Variants in CRBN observed in about 807,000 individuals in gnomAD.
CRBN encodes cereblon.
CRBN carries 53 observed loss-of-function variants against 62.2 expected under a neutral mutation model. That is an observed-to-expected ratio of 0.85 (90% confidence interval 0.68 to 1.07). CRBN has a LOEUF of 1.07. Among genes scored for constraint, CRBN ranks in the 50% least tolerant of loss-of-function variants. The probability of loss-of-function intolerance (pLI) is 0.00; values close to 1 mark genes in which losing one functional copy is unlikely to be tolerated. For synonymous variants in CRBN, 208 were observed against 176.1 expected (o/e 1.18, Z -1.43); for missense variants, 616 against 531.1 (o/e 1.16, Z -1.57).
chr3:3,152,516 T>C lies in CRBN; in HGVS notation c.1088A>G (p.Tyr363Cys). The stretch of plus-strand genomic sequence containing the variant: ...TATCAGATTCAAGTTGCAAGCCTTA[T>C]ACACAGTAAGTGTCTCATGCACATA... ...HGYVHETLTVYKACNLNLIGR... is the reference protein window; with the variant it reads ...HGYVHETLTVCKACNLNLIGR... The change falls in exon 10 of 11, where the codon TAT becomes TGT. Residue 363 changes from tyrosine (Y) to cysteine (C), a missense_variant. Coordinates refer to ENST00000231948, the MANE Select transcript of CRBN (RefSeq NM_016302.4). 2.5e-6 allele frequency: 4 copies of C among 1,614,074 alleles called. No individual in the cohort carries two copies. The highest frequency in any genetic ancestry group is 2.5e-6 in the Non-Finnish European group (3 of 1,179,982).
In CRBN at chr3:3,151,546, AC is replaced by A. The variant is rs373804863; in HGVS notation, c.1149-502del. 1.2e-4 allele frequency among the ~76,000 whole-genome samples: 18 copies of A among 152,256 alleles called. No homozygotes were observed. The East Asian group carries it at 2.9e-3, about 24-fold the overall frequency. On this transcript the variant is annotated intron_variant, in intron 10 of 10. Transcript: ENST00000231948. ...ATTGTCAGATAATGCAACCAGAAAT[AC>A]AAACCATGGTATTTTGTTCTTAAGA...
At chr3:3,164,624 T>C (rs1040924922) in intron 5 of CRBN, among the ~76,000 whole-genome samples, 5 of 152,158 alleles carry the variant, frequency 3.3e-5, no homozygotes, top group Non-Finnish European at 7.3e-5. Context: ...GTTTAGATAA[T>C]GGTTTACTGA....
intron 9 of CRBN, 120 bp from the exon 10 acceptor site, chr3:3,152,707 T>C (rs778386795): frequency 3.5e-4 from 422 of 1,200,566 alleles, no homozygotes; most frequent in Non-Finnish European, 4.8e-4. Flanking sequence ...TTTTTAATCC[T>C]TCAGTTTTAT....
At chr3:3,171,976 T>G (rs1379702933) in intron 4 of CRBN, among the ~76,000 whole-genome samples, 1 of 152,210 alleles carries the variant, frequency 6.6e-6, no homozygotes, top group Non-Finnish European at 1.5e-5. Flanking sequence ...TTAGAAGCAC[T>G]CCGTTAAGAG....
chr3:3,162,668 A>G (rs1186353499), intron 5 of CRBN, among the ~76,000 whole-genome samples: 2 of 152,226 alleles, frequency 1.3e-5, no homozygotes, highest in Admixed American at 6.5e-5. Context: ...AATTGAATAT[A>G]TCTCAGGAAG....
chr3:3,160,637 C>T lies in CRBN; in HGVS notation c.688-4356G>A, dbSNP rs111906947. Among the ~76,000 whole-genome samples, 38 of 152,246 alleles carry T rather than the reference C, an allele frequency of 2.5e-4. 1 individual carries two copies. The highest frequency in any genetic ancestry group is 4.4e-4 in the Non-Finnish European group (30 of 68,018). On this transcript the variant is annotated intron_variant, in intron 5 of 10. Transcript: ENST00000231948. ...TAGTCAATAAATGTTACTGTTCTTA[C>T]GATTATTATCCTGGAACAAGGTGAA...
At chr3:3,169,186 G>A (rs1707495599) in intron 4 of CRBN, among the ~76,000 whole-genome samples, 1 of 152,196 alleles carries the variant, frequency 6.6e-6, no homozygotes, top group Non-Finnish European at 1.5e-5. Context: ...CAAACTGTCT[G>A]AATTGCCTTG....
At chr3:3,179,507 G>T in intron 1 of CRBN, 114 bp downstream of exon 1, 1 of 1,012,760 alleles carries the variant, frequency 9.9e-7, no homozygotes, top group Non-Finnish European at 1.5e-6. Flanking sequence ...GGCCCTGCTG[G>T]GCTGGCTCGC....
intron 6 of CRBN, chr3:3,155,345 ATGT>A (rs1706839438): frequency 6.4e-6 from 1 of 156,838 alleles, no homozygotes; most frequent in African/African-American, 2.4e-5. Context: ...AGTGTCGTGC[ATGT>A]TGTTGAGTTT....
intron 3 of CRBN, among the ~76,000 whole-genome samples, chr3:3,173,442 T>G (rs1707709066): frequency 6.6e-6 from 1 of 152,196 alleles, no homozygotes; most frequent in Non-Finnish European, 1.5e-5. Context: ...AAATAATAGA[T>G]TTCTAGTCAC....
At chr3:3,174,830 G>T (rs1707765341) in intron 2 of CRBN, among the ~76,000 whole-genome samples, 1 of 152,002 alleles carries the variant, frequency 6.6e-6, no homozygotes, top group South Asian at 2.1e-4. Context: ...TTTTTACCAA[G>T]AAATATCTCT....
At chr3:3,158,793 C>G (rs529751596) in intron 5 of CRBN, among the ~76,000 whole-genome samples, 1 of 152,212 alleles carries the variant, frequency 6.6e-6, no homozygotes, top group African/African-American at 2.4e-5. Flanking sequence ...GAGTCTGACT[C>G]TAACCATCAT....
intron 1 of CRBN, among the ~76,000 whole-genome samples, chr3:3,178,208 A>G (rs374460713): frequency 5.3e-5 from 8 of 152,290 alleles, no homozygotes; most frequent in African/African-American, 1.9e-4. Context: ...AAAATAGCTC[A>G]GCTTTCCATC....
At position 3,154,780 on chromosome 3, in the gene CRBN, G is replaced by A. The variant is rs771133269; in HGVS notation, c.802C>T (p.Leu268=). 1.1e-5 allele frequency: 17 copies of A among 1,605,904 alleles called. No homozygotes were observed. Among genetic ancestry groups the A allele is most frequent in the Non-Finnish European group, 1.4e-5 (17 of 1,172,828 alleles). ...TTTGAAGGAAGAGAATCATCTTTTA[G>A]ATTTTCATCCCATTCACGTAGCTGT... ...KKQLREWDEN[L]KDDSLPSNPI... Residue 268 remains leucine, a synonymous_variant, in exon 7 of 11, where the codon CTA becomes TTA. Coordinates refer to ENST00000231948, the MANE Select transcript of CRBN (RefSeq NM_016302.4).
intron 5 of CRBN, among the ~76,000 whole-genome samples, chr3:3,158,723 T>C (rs1462453236): frequency 1.3e-5 from 2 of 152,204 alleles, no homozygotes; most frequent in Admixed American, 6.5e-5. Flanking sequence ...ACAAGGATGG[T>C]ATAACTTGCT....
intron 5 of CRBN, among the ~76,000 whole-genome samples, chr3:3,165,116 G>A (rs941478967): frequency 1.3e-5 from 2 of 152,170 alleles, no homozygotes; most frequent in African/African-American, 4.8e-5. Context: ...GTTAGAAGTG[G>A]AACCCACAGA....
At chr3:3,160,539 GACC>G (rs1207333864) in intron 5 of CRBN, among the ~76,000 whole-genome samples, 1 of 152,184 alleles carries the variant, frequency 6.6e-6, no homozygotes, top group Non-Finnish European at 1.5e-5. Flanking sequence ...CCTGGGAAAT[GACC>G]AGTCTTTCTG....
At chr3:3,149,733 C>A (rs1706351979), downstream of CRBN, 1 of 152,136 alleles carries the variant, frequency 6.6e-6, no homozygotes, top group African/African-American at 2.4e-5. Flanking sequence ...TTCATTTACT[C>A]TATTTACATA....
rs1416130883 is a variant in CRBN, at chr3:3,154,157, G to GAAAT, written c.836-86_836-83dup. The GAAAT allele has an allele frequency of 1.5e-5, 12 of 809,136 alleles. No individual in the cohort carries two copies. In the African/African-American group the frequency reaches 1.8e-4, roughly 12 times the overall value. 50.1% of individuals were successfully genotyped at this position (809,136 alleles called of 1,614,324 possible). On this transcript the variant is annotated intron_variant, in intron 7 of 10. Transcript: ENST00000231948. ...CTTACAAATCGGATAATATCCTTTT[G>GAAAT]AAATAAACCCTTCTCTTTAAGGTTA...
Sources: gnomAD v4.1 joint callset for allele counts (sites outside exome capture counted in the v4.1 genomes callset) on GRCh38, gnomAD v4.1.1 for gene constraint, MANE v1.5 for transcripts, NCBI Gene and HGNC (gene_info 2026-07-23, HGNC 2026-07-21) for gene names.